SORCS3: variants seen among roughly 807,000 people sequenced by gnomAD.
SORCS3 encodes VPS10 domain-containing receptor SorCS3.
A neutral mutation model predicts 146.3 loss-of-function variants in SORCS3; 57 were observed. The ratio of observed to expected loss-of-function variants is 0.39; its 90% confidence interval spans 0.31 to 0.49. The LOEUF (loss-of-function observed/expected upper bound fraction) is 0.49, where lower values mean the gene tolerates loss of function less well. Among genes scored for constraint, SORCS3 ranks in the 20% least tolerant of loss-of-function variants. The probability of loss-of-function intolerance (pLI) is 0.92; values close to 1 mark genes in which losing one functional copy is unlikely to be tolerated. For synonymous variants in SORCS3, 653 were observed against 618.5 expected (o/e 1.06, Z -0.83); for missense variants, 1,341 against 1,575.5 (o/e 0.85, Z 2.52).
At chr10:104,676,374 G>T (rs978412869) in intron 1 of SORCS3, among the ~76,000 whole-genome samples, 3 of 152,144 alleles carry the variant, frequency 2.0e-5, no homozygotes, top group African/African-American at 7.2e-5. Flanking sequence ...ATGGATAAAA[G>T]CCTCTTTTTC....
chr10:104,803,940 G>A (rs2017653015), intron 1 of SORCS3, among the ~76,000 whole-genome samples: 1 of 152,120 alleles, frequency 6.6e-6, no homozygotes, highest in African/African-American at 2.4e-5. Flanking sequence ...TCAAGCTCCA[G>A]AGAAAGACCA....
intron 13 of SORCS3, among the ~76,000 whole-genome samples, chr10:105,169,653 T>C (rs2056343761): frequency 1.3e-5 from 2 of 152,102 alleles, no homozygotes; most frequent in Admixed American, 6.6e-5. Context: ...CGAACTTACA[T>C]GCCAGTTTAA....
chr10:105,265,111 A>G lies in SORCS3; in HGVS notation c.*1737A>G, dbSNP rs988800440. 6.6e-6 allele frequency: 1 copy of G among 152,594 alleles called. No individual in the cohort carries two copies. Among genetic ancestry groups the G allele is most frequent in the Non-Finnish European group, 1.5e-5 (1 of 68,040 alleles). The allele number at this position is 152,594 out of a possible 1,614,324, so 9.5% of individuals were successfully genotyped here. A position where few individuals can be genotyped will look rare whatever the true frequency, so the allele number is the denominator to read the frequency against. On this transcript the variant is annotated 3_prime_UTR_variant, in exon 27 of 27. Transcript: ENST00000369701. ...ACACTGGAATACAAATGCATGACTC[A>G]TATCTATATATACAGTATATGTACA...
chr10:104,647,821 T>C (rs1286811311), intron 1 of SORCS3, among the ~76,000 whole-genome samples: 1 of 152,234 alleles, frequency 6.6e-6, no homozygotes, highest in Non-Finnish European at 1.5e-5. Flanking sequence ...GTCTCTACAC[T>C]ACTTAGTAAG....
At chr10:104,691,018 A>G (rs755049627) in intron 1 of SORCS3, among the ~76,000 whole-genome samples, 1 of 152,156 alleles carries the variant, frequency 6.6e-6, no homozygotes, top group Non-Finnish European at 1.5e-5. Flanking sequence ...AGACCATTGC[A>G]TACTTTAGGA....
chr10:105,193,402 C>T (rs2056527657), intron 14 of SORCS3, among the ~76,000 whole-genome samples: 1 of 152,132 alleles, frequency 6.6e-6, no homozygotes, highest in Non-Finnish European at 1.5e-5. Flanking sequence ...CATTAATCAA[C>T]CCAGAAGTAT....
chr10:105,112,590 T>G (rs2055865855), intron 7 of SORCS3, among the ~76,000 whole-genome samples: 1 of 152,106 alleles, frequency 6.6e-6, no homozygotes, highest in Non-Finnish European at 1.5e-5. Context: ...TTTCTACCTG[T>G]TCCTGCCTAC....
intron 1 of SORCS3, chr10:104,822,189 C>T (rs1032400632): frequency 1.3e-5 from 6 of 468,052 alleles, no homozygotes; most frequent in Non-Finnish European, 2.5e-5. Flanking sequence ...GAACTGAGGC[C>T]TTAATTCCCA....
At chr10:105,133,816 A>G (rs2056038709) in intron 7 of SORCS3, among the ~76,000 whole-genome samples, 1 of 151,880 alleles carries the variant, frequency 6.6e-6, no homozygotes, top group Non-Finnish European at 1.5e-5. Context: ...AAAATTAGTC[A>G]GGTATGGTGG....
intron 1 of SORCS3, among the ~76,000 whole-genome samples, chr10:104,830,344 C>T (rs185044618): frequency 1.3e-5 from 2 of 152,160 alleles, no homozygotes; most frequent in Non-Finnish European, 2.9e-5. Flanking sequence ...GGCAAGGCTG[C>T]TCAAAGATCG....
intron 4 of SORCS3, among the ~76,000 whole-genome samples, chr10:104,988,364 G>A (rs1371930235): frequency 6.6e-6 from 1 of 152,144 alleles, no homozygotes; most frequent in East Asian, 1.9e-4. Context: ...GAATCCAGTG[G>A]TTCTTATGGC....
chr10:105,018,953 G>C (rs1404382407), intron 4 of SORCS3, among the ~76,000 whole-genome samples: 1 of 151,946 alleles, frequency 6.6e-6, no homozygotes, highest in African/African-American at 2.4e-5. Context: ...CATTCTTCCT[G>C]TCACTATCTT....
At chr10:104,737,995 G>C (rs2016795975) in intron 1 of SORCS3, among the ~76,000 whole-genome samples, 2 of 151,308 alleles carry the variant, frequency 1.3e-5, no homozygotes, top group African/African-American at 4.9e-5. Flanking sequence ...TCTACATATG[G>C]CTAGCCAATT....
intron 4 of SORCS3, among the ~76,000 whole-genome samples, chr10:105,027,281 C>T (rs932813233): frequency 3.3e-5 from 5 of 152,134 alleles, no homozygotes; most frequent in Non-Finnish European, 4.4e-5. Flanking sequence ...AAAACGATGC[C>T]ACTGGACTGT....
At chr10:104,866,075 GA>G (rs2018456378) in intron 2 of SORCS3, among the ~76,000 whole-genome samples, 1 of 152,154 alleles carries the variant, frequency 6.6e-6, no homozygotes, top group African/African-American at 2.4e-5. Context: ...AACCAAAGAC[GA>G]AAAAGGTCTG....
At chr10:104,783,531 C>T (rs924344686) in intron 1 of SORCS3, among the ~76,000 whole-genome samples, 13 of 152,118 alleles carry the variant, frequency 8.5e-5, no homozygotes, top group African/African-American at 2.7e-4. Flanking sequence ...GTCAGTAGTT[C>T]AGCCTGGCCA....
chr10:104,951,307 G>A (rs1282869457), intron 3 of SORCS3, among the ~76,000 whole-genome samples: 1 of 151,864 alleles, frequency 6.6e-6, no homozygotes, highest in African/African-American at 2.4e-5. Flanking sequence ...GCCTTGCTTG[G>A]TATAAGACTT....
chr10:104,710,732 T>C (rs2016405513), intron 1 of SORCS3, among the ~76,000 whole-genome samples: 1 of 151,790 alleles, frequency 6.6e-6, no homozygotes, highest in Non-Finnish European at 1.5e-5. Flanking sequence ...TTGTCCATTC[T>C]TGTGGCTCAT....
intron 13 of SORCS3, among the ~76,000 whole-genome samples, chr10:105,175,586 G>A (rs760121711): frequency 3.3e-4 from 50 of 152,164 alleles, no homozygotes; most frequent in Admixed American, 1.3e-3. Flanking sequence ...GGAACTGACG[G>A]ACTACATGGT....
Sources: gnomAD v4.1 joint callset for allele counts (sites outside exome capture counted in the v4.1 genomes callset) on GRCh38, gnomAD v4.1.1 for gene constraint, MANE v1.5 for transcripts, NCBI Gene and HGNC (gene_info 2026-07-23, HGNC 2026-07-21) for gene names.